NFATC2: variants seen among roughly 807,000 people sequenced by gnomAD.
NFATC2 encodes nuclear factor of activated T cells 2.
A neutral mutation model predicts 87.3 loss-of-function variants in NFATC2; 22 were observed. The observed-to-expected ratio is 0.25, with a 90% CI of 0.18 to 0.36. The LOEUF (loss-of-function observed/expected upper bound fraction) is 0.36. Ranked by LOEUF, NFATC2 falls within the 10% of genes least tolerant of loss-of-function variation. NFATC2 has a pLI of 1.00. For synonymous variants in NFATC2, 565 were observed against 542.2 expected (o/e 1.04, Z -0.58); for missense variants, 1,149 against 1,259.1 (o/e 0.91, Z 1.32).
chr20:51,488,330 TA>T (rs1311118058), intron 3 of NFATC2, among the ~76,000 whole-genome samples: 1 of 152,210 alleles, frequency 6.6e-6, no homozygotes, highest in Non-Finnish European at 1.5e-5. Context: ...AAGAAACCAG[TA>T]AATCAGGATT....
intron 1 of NFATC2, among the ~76,000 whole-genome samples, chr20:51,537,361 C>A (rs2076738537): frequency 6.6e-6 from 1 of 152,044 alleles, no homozygotes; most frequent in Non-Finnish European, 1.5e-5. Flanking sequence ...CTGCAGATTT[C>A]ATCAGCTTTT....
At chr20:51,416,845 A>T (rs1980104783) in intron 9 of NFATC2, among the ~76,000 whole-genome samples, 1 of 152,144 alleles carries the variant, frequency 6.6e-6, no homozygotes, top group South Asian at 2.1e-4. Flanking sequence ...GGAGCTGAGC[A>T]TGGGGGCCAG....
chr20:51,528,400 A>T (rs2076580378), intron 1 of NFATC2, among the ~76,000 whole-genome samples: 1 of 141,406 alleles, frequency 7.1e-6, no homozygotes. Flanking sequence ...ACACAGAGAG[A>T]TGTACACACA....
At chr20:51,493,403 C>T (rs1300330431) in intron 3 of NFATC2, among the ~76,000 whole-genome samples, 2 of 152,106 alleles carry the variant, frequency 1.3e-5, no homozygotes, top group Admixed American at 6.6e-5. Flanking sequence ...TGGGGATTGG[C>T]GACCTCACAT....
chr20:51,390,478 G>T lies in NFATC2; in HGVS notation c.*1018C>A, dbSNP rs1043492223. On this transcript the variant is annotated 3_prime_UTR_variant, in exon 11 of 11. Coordinates refer to ENST00000371564, the MANE Select transcript of NFATC2 (RefSeq NM_012340.5). The stretch of plus-strand genomic sequence containing the variant: ...TGCTTGAGATTCTCCACCGCTTTAC[G>T]GAAAAGCACTCTGGCTGCTAGGAAG... 1 of 152,274 alleles carries T rather than the reference G, an allele frequency of 6.6e-6. No homozygotes were observed. Among genetic ancestry groups the T allele is most frequent in the South Asian group, 2.1e-4 (1 of 4,822 alleles). The allele number at this position is 152,274 out of a possible 1,614,324, so 9.4% of individuals were successfully genotyped here.
chr20:51,521,446 G>A (rs1045169523), intron 2 of NFATC2, among the ~76,000 whole-genome samples: 6 of 151,954 alleles, frequency 3.9e-5, no homozygotes, highest in Non-Finnish European at 5.9e-5. Flanking sequence ...TCAGCCTCCC[G>A]AGTAGCTGGG....
chr20:51,489,917 C>T (rs911306848), intron 3 of NFATC2, among the ~76,000 whole-genome samples: 8 of 152,202 alleles, frequency 5.3e-5, no homozygotes, highest in African/African-American at 1.2e-4. Context: ...GCAGGAATGA[C>T]GATGGTCCTC....
intron 3 of NFATC2, among the ~76,000 whole-genome samples, chr20:51,497,583 C>T (rs2146610432): frequency 6.6e-6 from 1 of 152,302 alleles, no homozygotes; most frequent in Admixed American, 6.5e-5. Flanking sequence ...TATTCCACGC[C>T]TCCCCCCATG....
intron 1 of NFATC2, among the ~76,000 whole-genome samples, chr20:51,529,357 A>C (rs1600962591): frequency 8.4e-6 from 1 of 118,716 alleles, no homozygotes; most frequent in East Asian, 2.2e-4. Flanking sequence ...TCCAAGCGGC[A>C]GTTTTTTTTT....
chr20:51,435,322 G>A lies in NFATC2; in HGVS notation c.1906-8C>T, dbSNP rs761469768. The A allele has an allele frequency of 1.9e-6, 3 of 1,614,096 alleles. No individual in the cohort carries two copies. The highest frequency in any genetic ancestry group is 1.7e-6 in the Non-Finnish European group (2 of 1,180,008). On this transcript the variant is annotated splice_region_variant and splice_polypyrimidine_tract_variant and intron_variant, in intron 7 of 10. Coordinates refer to ENST00000371564, the MANE Select transcript of NFATC2 (RefSeq NM_012340.5). ...CTCAACAAAAAGCATGTTCTATAAG[G>A]AAGGAGTTGTCATGAACTTAACTGC...
intron 9 of NFATC2, among the ~76,000 whole-genome samples, chr20:51,430,846 C>CT (rs1982602278): frequency 6.6e-6 from 1 of 152,176 alleles, no homozygotes; most frequent in African/African-American, 2.4e-5. Context: ...CTTCCTACCC[C>CT]TTGGCTGGGC....
intron 10 of NFATC2, among the ~76,000 whole-genome samples, chr20:51,397,697 C>T (rs10153979): frequency 3.9e-5 from 6 of 152,066 alleles, no homozygotes; most frequent in Admixed American, 6.5e-5. Flanking sequence ...GCTCCTCCCC[C>T]CAGGGCTTCC....
chr20:51,424,456 G>A (rs759041735), intron 9 of NFATC2, among the ~76,000 whole-genome samples: 9 of 152,310 alleles, frequency 5.9e-5, no homozygotes, highest in East Asian at 3.9e-4. Context: ...CTCACCGTGC[G>A]CGTCTGGTAC....
chr20:51,449,179 C>T (rs1302884241), intron 6 of NFATC2, among the ~76,000 whole-genome samples: 9 of 152,306 alleles, frequency 5.9e-5, no homozygotes, highest in Non-Finnish European at 1.3e-4. Context: ...AACTGTTCCG[C>T]CCCGCCCCGC....
intron 9 of NFATC2, among the ~76,000 whole-genome samples, chr20:51,427,375 T>C (rs1014811144): frequency 2.6e-5 from 4 of 152,228 alleles, no homozygotes; most frequent in Non-Finnish European, 5.9e-5. Flanking sequence ...CCTCATTTTA[T>C]GCAAGGGAAG....
intron 9 of NFATC2, among the ~76,000 whole-genome samples, chr20:51,411,768 T>A (rs1979296498): frequency 6.6e-6 from 1 of 152,126 alleles, no homozygotes; most frequent in Admixed American, 6.5e-5. Flanking sequence ...CCTCAAGTGA[T>A]CCACCTGCCT....
intron 1 of NFATC2, among the ~76,000 whole-genome samples, chr20:51,532,966 C>T (rs1239881680): frequency 2.6e-5 from 4 of 152,194 alleles, no homozygotes; most frequent in Admixed American, 2.0e-4. Context: ...TCCACTGATC[C>T]CTGGCCAAGC....
At chr20:51,455,908 G>A (rs1160373216) in intron 5 of NFATC2, among the ~76,000 whole-genome samples, 2 of 17,490 alleles carry the variant, frequency 1.1e-4, no homozygotes, top group African/African-American at 1.7e-4. Flanking sequence ...GGGTGGGTGG[G>A]TGGGTGGGTG....
At chr20:51,456,049 T>C (rs1167733575) in intron 5 of NFATC2, among the ~76,000 whole-genome samples, 1 of 86,272 alleles carries the variant, frequency 1.2e-5, no homozygotes, top group Non-Finnish European at 2.2e-5. Flanking sequence ...GGTGGATGGG[T>C]GGATGGATGG....
Sources: gnomAD v4.1 joint callset for allele counts (sites outside exome capture counted in the v4.1 genomes callset) on GRCh38, gnomAD v4.1.1 for gene constraint, MANE v1.5 for transcripts, NCBI Gene and HGNC (gene_info 2026-07-23, HGNC 2026-07-21) for gene names.